Variants in NUBPL observed in about 807,000 individuals in gnomAD.
NUBPL encodes iron-sulfur cluster transfer protein NUBPL.
Under a neutral mutation model 45.7 loss-of-function variants are expected in NUBPL, and 31 were observed. The observed-to-expected ratio is 0.68, with a 90% confidence interval of 0.51 to 0.92. The LOEUF is 0.92. NUBPL is among the 40% of genes least tolerant of loss of function. NUBPL has a pLI of 0.00. For synonymous variants in NUBPL, 144 were observed against 140.9 expected (o/e 1.02, Z -0.15); for missense variants, 401 against 398.7 (o/e 1.01, Z -0.05).
intron 10 of NUBPL, among the ~76,000 whole-genome samples, chr14:31,857,559 T>C (rs1329677998): frequency 6.6e-6 from 1 of 152,194 alleles, no homozygotes; most frequent in Admixed American, 6.5e-5. Context: ...CTGCTTCCCT[T>C]ATAAAACTGA....
intron 6 of NUBPL, among the ~76,000 whole-genome samples, chr14:31,781,943 C>T (rs965471779): frequency 6.6e-5 from 10 of 152,060 alleles, no homozygotes; most frequent in African/African-American, 1.2e-4. Flanking sequence ...AACTTTCTTA[C>T]GTCTCTCTCC....
At chr14:31,786,308 C>T (rs559115366) in intron 6 of NUBPL, among the ~76,000 whole-genome samples, 3 of 152,278 alleles carry the variant, frequency 2.0e-5, no homozygotes, top group African/African-American at 7.2e-5. Context: ...TTCATTTAGC[C>T]ATTCATTCCT....
chr14:31,647,856 G>A (rs1157526613), intron 4 of NUBPL, among the ~76,000 whole-genome samples: 2 of 152,184 alleles, frequency 1.3e-5, no homozygotes, highest in African/African-American at 4.8e-5. Flanking sequence ...TGTACCCATT[G>A]AAAATGTGGA....
intron 6 of NUBPL, among the ~76,000 whole-genome samples, chr14:31,712,334 G>A (rs527735266): frequency 3.9e-5 from 6 of 152,334 alleles, no homozygotes; most frequent in East Asian, 3.9e-4. Flanking sequence ...GGTACTCGCC[G>A]CAGGACTTTG....
At chr14:31,640,699 CTG>C (rs1272931993) in intron 4 of NUBPL, among the ~76,000 whole-genome samples, 1 of 150,406 alleles carries the variant, frequency 6.6e-6, no homozygotes, top group Admixed American at 6.6e-5. Context: ...AAAATTTTAT[CTG>C]TTTATTAATT....
chr14:31,634,731 C>T (rs1326106850), intron 4 of NUBPL, among the ~76,000 whole-genome samples: 1 of 151,892 alleles, frequency 6.6e-6, no homozygotes, highest in East Asian at 1.9e-4. Flanking sequence ...CCTATTTCTC[C>T]ACATCCTCTC....
At chr14:31,833,007 A>T (rs1043469936) in intron 8 of NUBPL, among the ~76,000 whole-genome samples, 1 of 152,250 alleles carries the variant, frequency 6.6e-6, no homozygotes, top group Non-Finnish European at 1.5e-5. Context: ...GAATGTTATG[A>T]AACAGATAAA....
chr14:31,804,697 A>C (rs1049829515), intron 7 of NUBPL, among the ~76,000 whole-genome samples: 1 of 152,198 alleles, frequency 6.6e-6, no homozygotes, highest in African/African-American at 2.4e-5. Context: ...AAGACTTCCT[A>C]TTTAATCAAT....
chr14:31,721,766 C>T (rs1226568419), intron 6 of NUBPL, among the ~76,000 whole-genome samples: 1 of 152,058 alleles, frequency 6.6e-6, no homozygotes, highest in Admixed American at 6.5e-5. Context: ...TCCCTCCCCC[C>T]ATTCTCCACC....
chr14:31,656,676 T>G (rs1351734069), intron 4 of NUBPL, among the ~76,000 whole-genome samples: 1 of 152,140 alleles, frequency 6.6e-6, no homozygotes, highest in Non-Finnish European at 1.5e-5. Context: ...GTGGGTGCAG[T>G]TCATGGTGCC....
chr14:31,668,199 G>A (rs1158846771), intron 4 of NUBPL, among the ~76,000 whole-genome samples: 1 of 152,172 alleles, frequency 6.6e-6, no homozygotes, highest in African/African-American at 2.4e-5. Flanking sequence ...AGGGAGATGG[G>A]GGTTTTATCT....
chr14:31,784,573 A>T (rs892861335), intron 6 of NUBPL, among the ~76,000 whole-genome samples: 5 of 152,170 alleles, frequency 3.3e-5, no homozygotes, highest in African/African-American at 1.2e-4. Context: ...CCTCATGATC[A>T]CATTTCTTTA....
At chr14:31,609,138 TA>T (rs373912976) in intron 4 of NUBPL, among the ~76,000 whole-genome samples, 4 of 149,930 alleles carry the variant, frequency 2.7e-5, no homozygotes, top group East Asian at 3.9e-4. Flanking sequence ...GCTAAATAGA[TA>T]AAAAAAAACA....
At chr14:31,701,824 G>A (rs4981884) in intron 6 of NUBPL, among the ~76,000 whole-genome samples, 3,117 of 152,312 alleles carry the variant, frequency 0.02, 47 homozygotes, top group Non-Finnish European at 0.028. Context: ...GTGAGACCGA[G>A]AACCCACCAA....
intron 6 of NUBPL, among the ~76,000 whole-genome samples, chr14:31,724,271 C>T (rs907856881): frequency 2.0e-5 from 3 of 152,138 alleles, no homozygotes; most frequent in Non-Finnish European, 2.9e-5. Flanking sequence ...TCACTGTTAA[C>T]ATTTTGTGAT....
intron 6 of NUBPL, among the ~76,000 whole-genome samples, chr14:31,752,734 C>T (rs539854851): frequency 1.1e-4 from 16 of 152,274 alleles, no homozygotes; most frequent in African/African-American, 3.9e-4. Flanking sequence ...AGCAGTACCC[C>T]AGTATCCTGG....
intron 3 of NUBPL, among the ~76,000 whole-genome samples, chr14:31,597,409 G>C (rs2034313113): frequency 6.6e-6 from 1 of 152,264 alleles, no homozygotes; most frequent in African/African-American, 2.4e-5. Flanking sequence ...ATTATGCCAA[G>C]AGTTCATCTT....
At chr14:31,634,403 A>G (rs2035430069) in intron 4 of NUBPL, among the ~76,000 whole-genome samples, 1 of 151,632 alleles carries the variant, frequency 6.6e-6, no homozygotes, top group Admixed American at 6.6e-5. Flanking sequence ...CCATGTCCCT[A>G]CAAAGGACAT....
At chr14:31,842,510 C>G (rs2040393109) in intron 8 of NUBPL, among the ~76,000 whole-genome samples, 1 of 152,050 alleles carries the variant, frequency 6.6e-6, no homozygotes, top group Admixed American at 6.6e-5. Flanking sequence ...GGGCCTTGCT[C>G]TGTCACCCAG....
Sources: allele counts gnomAD v4.1 joint callset (sites outside exome capture counted in the v4.1 genomes callset), GRCh38; gene constraint gnomAD v4.1.1; transcripts MANE v1.5; gene names NCBI Gene and HGNC (gene_info 2026-07-23, HGNC 2026-07-21).